ASB5: variants seen among roughly 807,000 people sequenced by gnomAD.
ASB5 encodes the protein ankyrin repeat and SOCS box containing 5.
A neutral mutation model predicts 42.1 loss-of-function variants in ASB5; 45 were observed. The observed-to-expected ratio is 1.07, with a 90% CI of 0.84 to 1.37. The LOEUF (loss-of-function observed/expected upper bound fraction) is 1.37, where lower values mean the gene tolerates loss of function less well. ASB5 is among the 40% of genes most tolerant of loss of function. ASB5 has a pLI of 0.00. For synonymous variants in ASB5, 147 were observed against 150.6 expected, an observed-to-expected ratio of 0.98 and a Z score of 0.18; for missense variants, 402 against 399.8, an observed-to-expected ratio of 1.01 and a Z score of -0.05.
intron 1 of ASB5, among the ~76,000 whole-genome samples, chr4:176,254,897 C>T (rs1383865481): frequency 4.6e-5 from 7 of 152,020 alleles, no homozygotes; most frequent in Non-Finnish European, 7.4e-5. Flanking sequence ...TTTGGGAGGC[C>T]GAGGCGAGTG....
At position 176,251,510 on chromosome 4, in the gene ASB5, C is replaced by G. The variant is rs1203971527; in HGVS notation, c.196+17403G>C. Among the ~76,000 whole-genome samples the G allele has an allele frequency of 5.0e-5, 3 of 59,626 alleles. 1 individual carries two copies. The highest frequency in any genetic ancestry group is 1.8e-4 in the African/African-American group (3 of 16,770). The allele number at this position is 59,626 out of a possible 152,430, so 39.1% of individuals were successfully genotyped here. On this transcript the variant is annotated intron_variant, in intron 1 of 6. Transcript: ENST00000296525. ...CCGGGAGGCGGAGCTTGCAGTGAGCCGAGATCCCGCCACTGCACTCCAGCC... is the reference window on the plus strand; with the variant it reads ...CCGGGAGGCGGAGCTTGCAGTGAGCGGAGATCCCGCCACTGCACTCCAGCC...
At chr4:176,252,084 G>A (rs74566854) in intron 1 of ASB5, among the ~76,000 whole-genome samples, 16,796 of 107,662 alleles carry the variant, frequency 0.16, 1,724 homozygotes, top group Non-Finnish European at 0.18. Context: ...AAAAAAAAAA[G>A]AAAAAAAAAA....
At chr4:176,237,681 CG>C in intron 1 of ASB5, 1 of 685,604 alleles carries the variant, frequency 1.5e-6, no homozygotes, top group South Asian at 6.5e-5. Flanking sequence ...ATGCTGCAGC[CG>C]GAAGTCTTTA....
intron 1 of ASB5, among the ~76,000 whole-genome samples, chr4:176,250,934 A>G (rs1333571853): frequency 6.6e-6 from 1 of 152,120 alleles, no homozygotes; most frequent in Non-Finnish European, 1.5e-5. Context: ...CATTCTTTTT[A>G]CCCACTTTGT....
chr4:176,234,262 C>G (rs1753627414), intron 1 of ASB5, among the ~76,000 whole-genome samples: 1 of 152,216 alleles, frequency 6.6e-6, no homozygotes, highest in South Asian at 2.1e-4. Context: ...TATGAACTCT[C>G]CAGGCTCTGA....
intron 1 of ASB5, among the ~76,000 whole-genome samples, chr4:176,247,499 G>A (rs543099162): frequency 6.6e-6 from 1 of 152,280 alleles, no homozygotes; most frequent in Admixed American, 6.5e-5. Context: ...TAATTGATAA[G>A]AGCCCATAAG....
chr4:176,217,234 G>A (rs986487913), intron 5 of ASB5, among the ~76,000 whole-genome samples: 13 of 152,090 alleles, frequency 8.5e-5, no homozygotes, highest in South Asian at 2.1e-4. Context: ...CTGAATGGCA[G>A]AGGGTACATA....
chr4:176,218,222 TAA>T (rs1491573553), intron 5 of ASB5, among the ~76,000 whole-genome samples: 2 of 49,166 alleles, frequency 4.1e-5, no homozygotes, highest in Admixed American at 2.9e-4. Context: ...TTGTATGATA[TAA>T]ATATATATAT....
At chr4:176,241,395 G>C (rs180769314) in intron 1 of ASB5, 3 of 1,293,580 alleles carry the variant, frequency 2.3e-6, no homozygotes, top group Admixed American at 2.4e-5. Context: ...TACTATTAAG[G>C]GCTCACTAAG....
At chr4:176,243,572 G>T (rs554767036) in intron 1 of ASB5, among the ~76,000 whole-genome samples, 1 of 151,602 alleles carries the variant, frequency 6.6e-6, no homozygotes, top group African/African-American at 2.4e-5. Flanking sequence ...GCACAATCTC[G>T]GCTCACCGCA....
chr4:176,222,451 A>C, intron 2 of ASB5, 31 bp from the exon 3 acceptor site: 1 of 1,541,204 alleles, frequency 6.5e-7, no homozygotes, highest in Admixed American at 1.7e-5. Context: ...AAAGGTGAGC[A>C]AAGAGTTATA....
chr4:176,267,440 A>T (rs115205588), intron 1 of ASB5, among the ~76,000 whole-genome samples: 1,608 of 152,098 alleles, frequency 0.011, 13 homozygotes, highest in Non-Finnish European at 0.017. Flanking sequence ...CCTTAGGCGG[A>T]CAATGTTGAG....
intron 1 of ASB5, among the ~76,000 whole-genome samples, chr4:176,252,794 A>G (rs1754069414): frequency 6.6e-6 from 1 of 152,248 alleles, no homozygotes; most frequent in Non-Finnish European, 1.5e-5. Context: ...GTCAGAAGCA[A>G]TGTCAGAAGA....
At chr4:176,262,865 C>A (rs554834857) in intron 1 of ASB5, among the ~76,000 whole-genome samples, 28 of 152,268 alleles carry the variant, frequency 1.8e-4, no homozygotes, top group African/African-American at 6.7e-4. Flanking sequence ...AAACTGATCC[C>A]TCCTAAACTA....
intron 1 of ASB5, among the ~76,000 whole-genome samples, chr4:176,229,929 G>C (rs13113321): frequency 6.6e-6 from 1 of 152,066 alleles, no homozygotes; most frequent in Non-Finnish European, 1.5e-5. Flanking sequence ...TGGGAGTGGA[G>C]AGCAGAAGGA....
At chr4:176,252,528 C>CTTCATA (rs1754063875) in intron 1 of ASB5, among the ~76,000 whole-genome samples, 1 of 152,236 alleles carries the variant, frequency 6.6e-6, no homozygotes, top group East Asian at 1.9e-4. Context: ...TGAAGTGAAT[C>CTTCATA]TGTCTTCATA....
At chr4:176,267,702 A>AT (rs1754385042) in intron 1 of ASB5, among the ~76,000 whole-genome samples, 5 of 152,088 alleles carry the variant, frequency 3.3e-5, no homozygotes, top group African/African-American at 1.2e-4. Flanking sequence ...TTTACTTGAG[A>AT]TTTTATCTTT....
upstream of ASB5, among the ~76,000 whole-genome samples, chr4:176,272,119 A>T (rs1209633000): frequency 6.6e-6 from 1 of 152,210 alleles, no homozygotes; most frequent in Non-Finnish European, 1.5e-5. Flanking sequence ...ATAAAGAAAG[A>T]GGGGCTAATA....
intron 1 of ASB5, among the ~76,000 whole-genome samples, chr4:176,250,461 G>A (rs529168061): frequency 6.6e-6 from 1 of 152,326 alleles, no homozygotes; most frequent in Admixed American, 6.5e-5. Flanking sequence ...CAAAGTGTGG[G>A]CTGTCTCCCA....
Sources: gnomAD v4.1 joint callset for allele counts (sites outside exome capture counted in the v4.1 genomes callset) on GRCh38, gnomAD v4.1.1 for gene constraint, MANE v1.5 for transcripts, NCBI Gene and HGNC (gene_info 2026-07-23, HGNC 2026-07-21) for gene names.